The following PCNX1 variants were observed in gnomAD, a reference collection of about 807,000 sequenced individuals.
PCNX1 encodes pecanex-like protein 1.
Under a neutral mutation model 242.2 loss-of-function variants are expected in PCNX1, and 78 were observed. The observed-to-expected ratio is 0.32, with a 90% CI of 0.27 to 0.39. The LOEUF is 0.39. Ranked by LOEUF, PCNX1 falls within the 10% of genes least tolerant of loss-of-function variation. The pLI, the probability that PCNX1 is intolerant of heterozygous loss-of-function variation, is 1.00. For missense variants in PCNX1, 2,581 were observed against 2,856.5 expected (o/e 0.90, Z 2.20); for synonymous variants, 1,024 against 1,032.9 (o/e 0.99, Z 0.17).
chr14:70,988,756 G>A lies in PCNX1; in HGVS notation c.2444+57G>A. On this transcript the variant is annotated intron_variant, in intron 7 of 35. Coordinates refer to ENST00000304743, the MANE Select transcript of PCNX1 (RefSeq NM_014982.3). Reference sequence around the variant, plus strand: ...ATGCATGTAACAACCCTTCTAATCTGTTCCGCCAGTCCCAAGAAAGCATTT... The same window carrying A: ...ATGCATGTAACAACCCTTCTAATCTATTCCGCCAGTCCCAAGAAAGCATTT... 7.1e-6 allele frequency: 11 copies of A among 1,541,278 alleles called. 1 individual carries two copies. The South Asian group carries it at 1.3e-4, about 18-fold the overall frequency.
In PCNX1 at chr14:71,114,394, G is replaced by A. The variant is rs1044838451; in HGVS notation, c.*4459G>A. ...ATTAATTATTATACAAATAAATCTG[G>A]TAGGATATGAGTGGAGTAAGTTTGC... On this transcript the variant is annotated 3_prime_UTR_variant, in exon 36 of 36. Coordinates refer to ENST00000304743, the MANE Select transcript of PCNX1 (RefSeq NM_014982.3). 1 of 152,180 alleles carries A rather than the reference G, an allele frequency of 6.6e-6. No homozygotes were observed. Among genetic ancestry groups the A allele is most frequent in the Non-Finnish European group, 1.5e-5 (1 of 68,024 alleles). 9.4% of individuals were successfully genotyped at this position (152,180 alleles called of 1,614,324 possible).
At chr14:70,955,870 T>A (rs1351553219) in intron 2 of PCNX1, among the ~76,000 whole-genome samples, 1 of 152,194 alleles carries the variant, frequency 6.6e-6, no homozygotes, top group Admixed American at 6.5e-5. Context: ...GTTTTTTTTT[T>A]TAAATGAAAA....
intron 1 of PCNX1, among the ~76,000 whole-genome samples, chr14:70,919,098 G>A (rs892018572): frequency 6.6e-6 from 1 of 151,792 alleles, no homozygotes; most frequent in Non-Finnish European, 1.5e-5. Context: ...TGCCCAGGCT[G>A]GTCTCAAACT....
chr14:70,938,371 C>A (rs928899516), intron 1 of PCNX1, among the ~76,000 whole-genome samples: 2 of 152,176 alleles, frequency 1.3e-5, no homozygotes, highest in Non-Finnish European at 2.9e-5. Flanking sequence ...AAGGCCTTTT[C>A]TGCATCTATT....
At chr14:71,024,320 G>T (rs1217036655) in intron 13 of PCNX1, among the ~76,000 whole-genome samples, 1 of 151,954 alleles carries the variant, frequency 6.6e-6, no homozygotes, top group Admixed American at 6.6e-5. Context: ...ATTCAAATAG[G>T]TTTTGCCCAT....
chr14:70,925,083 G>A (rs1033318084), intron 1 of PCNX1, among the ~76,000 whole-genome samples: 5 of 151,818 alleles, frequency 3.3e-5, no homozygotes, highest in Non-Finnish European at 7.4e-5. Context: ...CCACCTCCTG[G>A]CTTCAAGTGA....
chr14:70,969,127 T>G lies in PCNX1; in HGVS notation c.604+17T>G. 1.4e-6 allele frequency: 2 copies of G among 1,450,470 alleles called. No individual in the cohort carries two copies. The highest frequency in any genetic ancestry group is 1.9e-6 in the Non-Finnish European group (2 of 1,030,574). The allele number at this position is 1,450,470 out of a possible 1,614,324, so 89.8% of individuals were successfully genotyped here. A position where few individuals can be genotyped will look rare whatever the true frequency, so the allele number is the denominator to read the frequency against. ...AAGAACAAGGTAAGAACGTTATACT[T>G]TACCATGATGTCATATACTGTGGTG... On this transcript the variant is annotated intron_variant, in intron 5 of 35. Transcript: ENST00000304743.
intron 12 of PCNX1, 152 bp from the exon 13 acceptor site, chr14:71,023,048 G>GA: frequency 1.6e-6 from 1 of 642,224 alleles, no homozygotes. Context: ...ATCTGGAGCT[G>GA]ATGTTTCATC....
chr14:71,105,380 C>T lies in PCNX1; in HGVS notation c.6241C>T (p.Pro2081Ser). The change falls in exon 33 of 36, where the codon CCT (proline) becomes TCT (serine). Residue 2081 changes from proline (P) to serine (S), a missense_variant. Around this residue, in one of 9 missense-constraint regions of PCNX1, gnomAD observed 432 missense variants for 433.6 expected, o/e 1.00. Coordinates refer to ENST00000304743, the MANE Select transcript of PCNX1 (RefSeq NM_014982.3). ...CGTGACCCAGGGAAGCATTGGAAAT[C>T]CTGGGCAGGGATCAGGAACTGGACT... is the stretch of plus-strand genomic sequence containing the variant. ...SNVTQGSIGN[P>S]GQGSGTGLHP... 6.2e-7 allele frequency: 1 copy of T among 1,614,110 alleles called. No individual in the cohort carries two copies. Among genetic ancestry groups the T allele is most frequent in the East Asian group, 2.2e-5 (1 of 44,880 alleles).
intron 28 of PCNX1, chr14:71,078,757 T>A (rs2061778126): frequency 6.6e-6 from 1 of 152,246 alleles, no homozygotes; most frequent in South Asian, 2.1e-4. Context: ...CAATATAATA[T>A]CTTTTTTCAC....
intron 6 of PCNX1, 109 bp downstream of exon 6, chr14:70,978,757 G>A: frequency 3.1e-6 from 3 of 983,216 alleles, no homozygotes; most frequent in Non-Finnish European, 2.9e-6. Context: ...CCCTTCCACT[G>A]TGTTATTAAA....
At chr14:71,020,117 C>G (rs1434941727) in intron 12 of PCNX1, among the ~76,000 whole-genome samples, 20 of 152,070 alleles carry the variant, frequency 1.3e-4, no homozygotes, top group Admixed American at 1.3e-3. Flanking sequence ...TGAACTCATC[C>G]TTTTTTATGG....
chr14:71,008,074 C>A (rs1247918625), intron 8 of PCNX1, among the ~76,000 whole-genome samples: 1 of 150,712 alleles, frequency 6.6e-6, no homozygotes, highest in African/African-American at 2.4e-5. Flanking sequence ...GTATATTATT[C>A]GACAAAAAAA....
In PCNX1 at chr14:71,099,546, T is replaced by A. The variant is rs1332536268; in HGVS notation, c.5590-2444T>A. Among the ~76,000 whole-genome samples, 3 of 152,136 alleles carry A rather than the reference T, an allele frequency of 2.0e-5. No homozygotes were observed. The South Asian group carries it at 6.2e-4, about 32-fold the overall frequency. On this transcript the variant is annotated intron_variant, in intron 30 of 35. Coordinates refer to ENST00000304743, the MANE Select transcript of PCNX1 (RefSeq NM_014982.3). ...ATGTTCTGTGTGCAGATAAAAATAA[T>A]GTATAGTCTGTGGTTGATGGGTGGA... is the stretch of plus-strand genomic sequence containing the variant.
chr14:70,938,486 G>C (rs1215431943), intron 1 of PCNX1, among the ~76,000 whole-genome samples: 2 of 152,198 alleles, frequency 1.3e-5, no homozygotes, highest in Non-Finnish European at 1.5e-5. Flanking sequence ...AAGCCCACTT[G>C]ATCATGGTGG....
At chr14:70,958,924 T>TTTTTA (rs1555348614) in intron 2 of PCNX1, among the ~76,000 whole-genome samples, 1 of 141,134 alleles carries the variant, frequency 7.1e-6, no homozygotes, top group Non-Finnish European at 1.5e-5. Flanking sequence ...TTTTTTTTTT[T>TTTTTA]ACATAATCAG....
intron 7 of PCNX1, among the ~76,000 whole-genome samples, chr14:70,994,396 G>GATAGATATATATATATATATATATATAT (rs1555357306): frequency 2.1e-5 from 2 of 96,970 alleles, no homozygotes; most frequent in Non-Finnish European, 4.4e-5. Context: ...ACAGGCTTAA[G>GATAGATATATATATATATATATATATAT]ATATATATAT....
chr14:70,917,311 G>A (rs1310376993), intron 1 of PCNX1, among the ~76,000 whole-genome samples: 1 of 152,138 alleles, frequency 6.6e-6, no homozygotes, highest in Non-Finnish European at 1.5e-5. Context: ...AAGGTTCTCA[G>A]TTTACTTCAT....
At chr14:70,967,343 A>G (rs920338422) in intron 3 of PCNX1, among the ~76,000 whole-genome samples, 2 of 152,248 alleles carry the variant, frequency 1.3e-5, no homozygotes, top group African/African-American at 2.4e-5. Context: ...ATTTTATTTT[A>G]CAGTGCTAAC....
Sources: gnomAD v4.1 joint callset for allele counts (sites outside exome capture counted in the v4.1 genomes callset) on GRCh38, gnomAD v4.1.1 for gene constraint, gnomAD v4.1.1 regional missense constraint, MANE v1.5 for transcripts, NCBI Gene and HGNC (gene_info 2026-07-23, HGNC 2026-07-21) for gene names.